Variants in IL1RAP observed in about 807,000 individuals in gnomAD.
IL1RAP encodes the protein interleukin-1 receptor accessory protein.
IL1RAP carries 35 observed loss-of-function variants against 60.7 expected under a neutral mutation model. The observed-to-expected ratio is 0.58, with a 90% confidence interval of 0.44 to 0.76. IL1RAP has a LOEUF of 0.76. Among genes scored for constraint, IL1RAP ranks in the 30% least tolerant of loss-of-function variants. The pLI is 0.00. For missense variants in IL1RAP, 572 were observed against 693.9 expected (o/e 0.82, Z 1.97); for synonymous variants, 268 against 250.9 (o/e 1.07, Z -0.64).
downstream of IL1RAP, among the ~76,000 whole-genome samples, chr3:190,655,067 A>G (rs1734569308): frequency 6.6e-6 from 1 of 152,124 alleles, no homozygotes; most frequent in Non-Finnish European, 1.5e-5. Context: ...AGAAAAAAGA[A>G]TTTAATTGAT....
At chr3:190,601,220 GGT>G (rs1349747620) in intron 3 of IL1RAP, among the ~76,000 whole-genome samples, 5 of 152,134 alleles carry the variant, frequency 3.3e-5, no homozygotes, top group Non-Finnish European at 7.4e-5. Flanking sequence ...CCTGACCTCA[GGT>G]GATCCGCCCC....
chr3:190,649,947 C>A lies in IL1RAP; in HGVS notation c.*1242C>A. 2.5e-6 allele frequency: 2 copies of A among 803,904 alleles called. No individual in the cohort carries two copies. Among genetic ancestry groups the A allele is most frequent in the Non-Finnish European group, 3.0e-6 (2 of 664,824 alleles). 49.8% of individuals were successfully genotyped at this position (803,904 alleles called of 1,614,324 possible). On this transcript the variant is annotated 3_prime_UTR_variant, in exon 12 of 12. Coordinates refer to ENST00000447382, the MANE Select transcript of IL1RAP (RefSeq NM_002182.4). Reference sequence around the variant, plus strand: ...TACATGTAGATTATACATATATATACACACGTGTATATGAGATATATATCT... The same window carrying A: ...TACATGTAGATTATACATATATATAAACACGTGTATATGAGATATATATCT...
Position 190,582,489 on chromosome 3 carries a change from T to C in IL1RAP, c.64+18136T>C, listed in dbSNP as rs188728207. ...CGTGCGCCACCACCCAGGCTAATTT[T>C]GTATTTTTAGTAGAGATAAGGTTTC... On this transcript the variant is annotated intron_variant, in intron 3 of 11. Coordinates refer to ENST00000447382, the MANE Select transcript of IL1RAP (RefSeq NM_002182.4). Among the ~76,000 whole-genome samples, 146 of 152,202 alleles carry C rather than the reference T, an allele frequency of 9.6e-4. 2 individuals carry two copies. The highest frequency in any genetic ancestry group is 3.4e-3 in the Middle Eastern group (1 of 294).
intron 1 of IL1RAP, among the ~76,000 whole-genome samples, chr3:190,549,402 G>C (rs995518780): frequency 6.6e-6 from 1 of 151,808 alleles, no homozygotes; most frequent in Admixed American, 6.5e-5. Context: ...CTGCTGACAG[G>C]GGGTGCTGTT....
chr3:190,524,631 A>G (rs1288504855), intron 1 of IL1RAP, among the ~76,000 whole-genome samples: 1 of 152,162 alleles, frequency 6.6e-6, no homozygotes, highest in African/African-American at 2.4e-5. Flanking sequence ...CCAGTAGATT[A>G]TAAAGTCCAC....
intron 4 of IL1RAP, among the ~76,000 whole-genome samples, chr3:190,606,772 GGA>G (rs1370456652): frequency 6.6e-6 from 1 of 152,092 alleles, no homozygotes; most frequent in African/African-American, 2.4e-5. Flanking sequence ...GTTTTACTGA[GGA>G]AATGTCGAAT....
chr3:190,604,809 G>A (rs976158811), intron 4 of IL1RAP, among the ~76,000 whole-genome samples: 5 of 152,142 alleles, frequency 3.3e-5, no homozygotes, highest in African/African-American at 1.2e-4. Flanking sequence ...CAAAGTACTT[G>A]GCACAGAAGA....
At chr3:190,652,964 C>T (rs970967305), downstream of IL1RAP, among the ~76,000 whole-genome samples, 2 of 152,070 alleles carry the variant, frequency 1.3e-5, no homozygotes, top group Non-Finnish European at 2.9e-5. Flanking sequence ...AGCTCTTTAA[C>T]GCAAGTAAAT....
rs548453917 is a variant in IL1RAP at position 190,558,091 on chromosome 3, A to G, written c.-2+1875A>G. Among the ~76,000 whole-genome samples the G allele has an allele frequency of 2.6e-5, 4 of 152,322 alleles. No individual in the cohort carries two copies. In the East Asian group the frequency reaches 7.7e-4, roughly 29 times the overall value. ...GCACAATGCCTTTGAGATTCATCCA[A>G]GTTATTATATCAACATATATAATGC... On this transcript the variant is annotated intron_variant, in intron 2 of 11. Transcript: ENST00000447382.
intron 4 of IL1RAP, among the ~76,000 whole-genome samples, chr3:190,606,468 G>C (rs973643725): frequency 1.3e-5 from 2 of 152,206 alleles, no homozygotes; most frequent in African/African-American, 2.4e-5. Flanking sequence ...ACGGGAAGAA[G>C]TCATCAGGAG....
intron 3 of IL1RAP, among the ~76,000 whole-genome samples, chr3:190,594,943 T>C (rs1729255963): frequency 2.0e-5 from 3 of 152,224 alleles, no homozygotes; most frequent in African/African-American, 7.2e-5. Context: ...TCAAAATGGT[T>C]GAGGGACTTC....
At chr3:190,645,595 TCA>T in intron 10 of IL1RAP, 102 bp from the exon 11 acceptor site, 1 of 885,232 alleles carries the variant, frequency 1.1e-6, no homozygotes, top group South Asian at 1.7e-5. Flanking sequence ...CTGGAATCTG[TCA>T]CATAATGAAA....
chr3:190,608,822 TGA>T (rs1220127218), intron 4 of IL1RAP, among the ~76,000 whole-genome samples, 171 bp from the exon 5 acceptor site: 35 of 65,986 alleles, frequency 5.3e-4, no homozygotes, highest in East Asian at 1.9e-3. Flanking sequence ...TTTTATTCTG[TGA>T]TGTCAATTCG....
chr3:190,569,762 G>C (rs1232734942), intron 3 of IL1RAP, among the ~76,000 whole-genome samples: 1 of 152,130 alleles, frequency 6.6e-6, no homozygotes, highest in Non-Finnish European at 1.5e-5. Context: ...ATAATTCTAA[G>C]TTTAGAAAAA....
chr3:190,608,220 T>G (rs571782388), intron 4 of IL1RAP, among the ~76,000 whole-genome samples: 1 of 152,312 alleles, frequency 6.6e-6, no homozygotes, highest in African/African-American at 2.4e-5. Flanking sequence ...TTACATGAAC[T>G]TGGATGGTAG....
At chr3:190,532,348 C>T (rs907185096) in intron 1 of IL1RAP, among the ~76,000 whole-genome samples, 5 of 149,240 alleles carry the variant, frequency 3.4e-5, no homozygotes, top group African/African-American at 9.9e-5. Context: ...CTGCAAGCTT[C>T]GCCTCCTGGG....
At chr3:190,604,071 A>G in intron 3 of IL1RAP, 57 bp from the exon 4 acceptor site, 1 of 1,530,838 alleles carries the variant, frequency 6.5e-7, no homozygotes, top group Non-Finnish European at 8.9e-7. Context: ...TGTTCTTTTG[A>G]GGCCTTTGTT....
chr3:190,580,909 C>G (rs6444433), intron 3 of IL1RAP, among the ~76,000 whole-genome samples: 110,411 of 152,150 alleles, frequency 0.73, 41,371 homozygotes, highest in East Asian at 1. Flanking sequence ...TGGTTTCTTG[C>G]CCGTGTATAT....
chr3:190,607,963 A>T (rs776365404), intron 4 of IL1RAP, among the ~76,000 whole-genome samples: 7 of 152,184 alleles, frequency 4.6e-5, no homozygotes, highest in Non-Finnish European at 7.3e-5. Context: ...TGCTAGGGCA[A>T]AAACAAAGGC....
Sources: allele counts gnomAD v4.1 joint callset (sites outside exome capture counted in the v4.1 genomes callset), GRCh38; gene constraint gnomAD v4.1.1; transcripts MANE v1.5; gene names NCBI Gene and HGNC (gene_info 2026-07-23, HGNC 2026-07-21).